TMPRSS9: variants seen among roughly 807,000 people sequenced by gnomAD.
TMPRSS9 encodes the protein transmembrane protease serine 9.
A neutral mutation model predicts 111.4 loss-of-function variants in TMPRSS9; 113 were observed. The observed-to-expected ratio is 1.01, with a 90% CI of 0.87 to 1.19. The LOEUF (loss-of-function observed/expected upper bound fraction) is 1.19, where lower values mean the gene tolerates loss of function less well. TMPRSS9 is among the 50% of genes most tolerant of loss of function. TMPRSS9 has a pLI of 0.00. For synonymous variants in TMPRSS9, 805 were observed against 659.1 expected (o/e 1.22, Z -3.39); for missense variants, 1,803 against 1,513.1 (o/e 1.19, Z -3.18).
chr19:2,411,650 C>T (rs910671149), intron 9 of TMPRSS9, among the ~76,000 whole-genome samples: 1 of 152,048 alleles, frequency 6.6e-6, no homozygotes, highest in Non-Finnish European at 1.5e-5. Flanking sequence ...CTCCCAGTTT[C>T]AAGTGGTTCT....
At chr19:2,400,475 G>C (rs1359315615) in intron 4 of TMPRSS9, among the ~76,000 whole-genome samples, 1 of 152,014 alleles carries the variant, frequency 6.6e-6, no homozygotes, top group Non-Finnish European at 1.5e-5. Flanking sequence ...CCAGGAGGCG[G>C]AGGTTGCAGT....
upstream of TMPRSS9, among the ~76,000 whole-genome samples, chr19:2,387,763 A>T (rs1342816219): frequency 6.6e-6 from 1 of 152,048 alleles, no homozygotes; most frequent in African/African-American, 2.4e-5. Context: ...AGAAAAAATA[A>T]AAATCAGGGG....
chr19:2,421,597 T>C (rs1971463307), intron 13 of TMPRSS9, among the ~76,000 whole-genome samples: 1 of 152,094 alleles, frequency 6.6e-6, no homozygotes, highest in South Asian at 2.1e-4. Flanking sequence ...TTATTGTTAT[T>C]ATTTTTAGAG....
At chr19:2,425,148 T>G in exon 16 of TMPRSS9, 2 of 1,576,818 alleles carry the variant, frequency 1.3e-6, no homozygotes, top group African/African-American at 1.4e-5. Context: ...CTGCTGGAGC[T>G]GGCGGGGCCG....
intron 8 of TMPRSS9, among the ~76,000 whole-genome samples, chr19:2,409,139 ATTTTTTTTT>A (rs534247160): frequency 2.3e-5 from 3 of 131,288 alleles, no homozygotes; most frequent in Non-Finnish European, 4.9e-5. Context: ...TGCTACTGCG[ATTTTTTTTT>A]TTTTTTTTTG....
intron 4 of TMPRSS9, among the ~76,000 whole-genome samples, chr19:2,400,008 G>C (rs1379638647): frequency 6.6e-6 from 1 of 152,174 alleles, no homozygotes; most frequent in East Asian, 1.9e-4. Flanking sequence ...GGGATTATAG[G>C]TGTGAGCCAC....
chr19:2,399,000 T>A lies in TMPRSS9; in HGVS notation c.339-18T>A, dbSNP rs758832893. The A allele has an allele frequency of 6.2e-7, 1 of 1,606,120 alleles. No homozygotes were observed. The highest frequency in any genetic ancestry group is 1.1e-5 in the South Asian group (1 of 90,460). On this transcript the variant is annotated intron_variant, in intron 3 of 17. Coordinates refer to ENST00000648592, the Ensembl canonical transcript of TMPRSS9. ...CGGAGCCCCTCCCTCTCCAAGGGCC[T>A]CTCCTCCATACCTGTAGGGATGGGA... is the stretch of plus-strand genomic sequence containing the variant.
rs1970712202 is a variant in TMPRSS9, at chr19:2,396,553, C to T, written c.157C>T (p.Gln53Ter). ...CTCGTCCCCAGCCTTCCTCTCTACA[C>T]AGGGCTTCCACGTGGACCACACGGC... Residue 53 changes from glutamine to a stop codon, truncating the protein, a stop_gained, in exon 2 of 18, where the codon CAG (glutamine) becomes TAG (stop). Coordinates refer to ENST00000648592, the Ensembl canonical transcript of TMPRSS9. LOFTEE classifies it high-confidence loss of function. 6 of 1,608,922 alleles carry T rather than the reference C, an allele frequency of 3.7e-6. No individual in the cohort carries two copies. In the East Asian group the frequency reaches 8.9e-5, roughly 24 times the overall value.
At chr19:2,368,774 G>GGTTTTTTTTTT in intron 1 of TMPRSS9, among the ~76,000 whole-genome samples, 1 of 70,366 alleles carries the variant, frequency 1.4e-5, no homozygotes, top group East Asian at 5.0e-4. Flanking sequence ...GATAAACCCA[G>GGTTTTTTTTTT]TTTTTTTTTT....
At chr19:2,417,015 G>A (rs1047376513) in intron 12 of TMPRSS9, among the ~76,000 whole-genome samples, 2 of 152,152 alleles carry the variant, frequency 1.3e-5, no homozygotes, top group Non-Finnish European at 2.9e-5. Context: ...GCTGTTGCCT[G>A]TTTGTATAAA....
intron 1 of TMPRSS9, among the ~76,000 whole-genome samples, chr19:2,393,159 C>G (rs1002887320): frequency 6.6e-6 from 1 of 152,124 alleles, no homozygotes; most frequent in Non-Finnish European, 1.5e-5. Context: ...CGGCAACCGG[C>G]TTGGGGACCT....
At chr19:2,369,911 A>G (rs1237752105) in intron 1 of TMPRSS9, among the ~76,000 whole-genome samples, 4 of 152,072 alleles carry the variant, frequency 2.6e-5, no homozygotes, top group Non-Finnish European at 4.4e-5. Context: ...TCTCATCAGA[A>G]ACTCAACTGG....
chr19:2,420,120 C>T (rs78075714), intron 13 of TMPRSS9, among the ~76,000 whole-genome samples: 6,058 of 152,096 alleles, frequency 0.04, 140 homozygotes, highest in Non-Finnish European at 0.051. Flanking sequence ...TGTGATCACA[C>T]AGCTGCACTC....
chr19:2,382,593 C>T (rs1970397673), intron 1 of TMPRSS9, among the ~76,000 whole-genome samples: 1 of 109,466 alleles, frequency 9.1e-6, no homozygotes, highest in South Asian at 2.5e-4. Flanking sequence ...GATGCACATG[C>T]ACACACACAC....
At position 2,406,172 on chromosome 19, in the gene TMPRSS9, A is replaced by G. The variant is rs571741352; in HGVS notation, c.842+627A>G. On this transcript the variant is annotated intron_variant, in intron 7 of 17. Coordinates refer to ENST00000648592, the Ensembl canonical transcript of TMPRSS9. ...AATACAGGCGCCCGCCACCACGCCCAGCTAATTTAATTTTTTTTTGTATTT... is the reference window on the plus strand; with the variant it reads ...AATACAGGCGCCCGCCACCACGCCCGGCTAATTTAATTTTTTTTTGTATTT... Among the ~76,000 whole-genome samples, 460 of 147,554 alleles carry G rather than the reference A, an allele frequency of 3.1e-3. 8 individuals carry two copies. Among genetic ancestry groups the G allele is most frequent in the African/African-American group, 0.011 (440 of 39,748 alleles).
intron 1 of TMPRSS9, among the ~76,000 whole-genome samples, chr19:2,394,303 C>T (rs1196328917): frequency 1.3e-5 from 2 of 152,078 alleles, no homozygotes; most frequent in Non-Finnish European, 2.9e-5. Flanking sequence ...AGGAGGATCA[C>T]CTGAGCCCAT....
chr19:2,396,469 G>C (rs1970709376), intron 1 of TMPRSS9, 70 bp from the exon 3 acceptor site: 1 of 1,495,306 alleles, frequency 6.7e-7, no homozygotes, highest in African/African-American at 1.4e-5. Context: ...GGCGGGGCCT[G>C]GGTGGCAGCT....
chr19:2,422,121 C>A, exon 14 of TMPRSS9: 2 of 1,598,310 alleles, frequency 1.3e-6, no homozygotes, highest in Non-Finnish European at 1.7e-6. Flanking sequence ...CAGACCCACC[C>A]CTGGGGCTGC....
chr19:2,386,050 T>C (rs992667753), upstream of TMPRSS9, among the ~76,000 whole-genome samples: 4 of 152,090 alleles, frequency 2.6e-5, no homozygotes, highest in African/African-American at 2.4e-5. Context: ...TCTCAAGCAG[T>C]CCTCCCACCT....
Sources: allele counts gnomAD v4.1 joint callset (sites outside exome capture counted in the v4.1 genomes callset), GRCh38; gene constraint gnomAD v4.1.1; transcripts MANE v1.5; gene names NCBI Gene and HGNC (gene_info 2026-07-23, HGNC 2026-07-21).